The following PFKFB2 variants were observed in gnomAD, a reference collection of about 807,000 sequenced individuals.
PFKFB2 encodes the protein 6-phosphofructo-2-kinase/fructose-2,6-bisphosphatase 2.
A neutral mutation model predicts 68.0 loss-of-function variants in PFKFB2; 53 were observed. The observed-to-expected ratio is 0.78, with a 90% confidence interval of 0.63 to 0.98. PFKFB2 has a LOEUF of 0.98. Ranked by LOEUF, PFKFB2 falls within the 50% of genes least tolerant of loss-of-function variation. The probability of loss-of-function intolerance (pLI) is 0.00; values close to 1 mark genes in which losing one functional copy is unlikely to be tolerated. For synonymous variants in PFKFB2, 222 were observed against 227.6 expected (o/e 0.98, Z 0.22); for missense variants, 451 against 642.0 (o/e 0.70, Z 3.22).
At position 207,076,399 on chromosome 1, in the gene PFKFB2, G is replaced by GC; in HGVS notation, c.*4030dup. 1 of 985,158 alleles carries GC rather than the reference G, an allele frequency of 1.0e-6. No homozygotes were observed. The highest frequency in any genetic ancestry group is 1.2e-6 in the Non-Finnish European group (1 of 829,822). 61.0% of individuals were successfully genotyped at this position (985,158 alleles called of 1,614,324 possible). ...ATCTTATGCACATTCCATTGTCTTT[G>GC]CCAAGCCCAGAAGCCATGTTGTGTT... On this transcript the variant is annotated 3_prime_UTR_variant, in exon 15 of 15. Transcript: ENST00000367080.
chr1:207,071,645 G>A, intron 14 of PFKFB2, 72 bp downstream of exon 14: 3 of 1,091,510 alleles, frequency 2.7e-6, no homozygotes, highest in Non-Finnish European at 4.2e-6. Context: ...GACATCAAGA[G>A]ACTGGGGTTT....
chr1:207,061,167 A>T (rs1406217425), intron 2 of PFKFB2, among the ~76,000 whole-genome samples: 3 of 45,296 alleles, frequency 6.6e-5, no homozygotes, highest in African/African-American at 1.4e-4. Context: ...ATATATCTTT[A>T]TATATATATA....
At chr1:207,047,332 T>C (rs1021270215) in intron 2 of PFKFB2, 2 of 152,584 alleles carry the variant, frequency 1.3e-5, no homozygotes, top group African/African-American at 4.8e-5. Context: ...CAAACAAACT[T>C]TGTGAATTGT....
downstream of PFKFB2, chr1:207,080,679 T>C (rs994608136): frequency 1.3e-5 from 2 of 151,330 alleles, no homozygotes; most frequent in East Asian, 3.9e-4. Flanking sequence ...TTAATCAGAA[T>C]GTAATATAAT....
At chr1:207,044,825 TCA>T (rs763240422) in intron 2 of PFKFB2, 2 of 152,510 alleles carry the variant, frequency 1.3e-5, no homozygotes, top group Non-Finnish European at 1.5e-5. Flanking sequence ...TTTTCTCCCT[TCA>T]CTCTACCATG....
At chr1:207,050,837 C>T (rs1419786445), upstream of PFKFB2, 7 of 1,613,018 alleles carry the variant, frequency 4.3e-6, no homozygotes, top group Non-Finnish European at 5.9e-6. Flanking sequence ...CCGGGTCCGG[C>T]TGGACAGCCC....
chr1:207,077,566 G>T lies in PFKFB2; in HGVS notation c.*5195G>T. On this transcript the variant is annotated 3_prime_UTR_variant, in exon 15 of 15. Transcript: ENST00000367080. ...GGGAAGGGGGATGGTGTGGGGCTGA[G>T]CACCTCTGGGTTGAATGGGAATGGG... 1 of 985,820 alleles carries T rather than the reference G, an allele frequency of 1.0e-6. No homozygotes were observed. The highest frequency in any genetic ancestry group is 1.2e-6 in the Non-Finnish European group (1 of 829,938). 61.1% of individuals were successfully genotyped at this position (985,820 alleles called of 1,614,324 possible). A position where few individuals can be genotyped will look rare whatever the true frequency, so the allele number is the denominator to read the frequency against.
intron 1 of PFKFB2, among the ~76,000 whole-genome samples, chr1:207,041,803 G>A (rs554129222): frequency 5.7e-4 from 87 of 152,210 alleles, no homozygotes; most frequent in Admixed American, 2.0e-3. Context: ...TTGAGGAATC[G>A]CCACACTGTT....
intron 2 of PFKFB2, among the ~76,000 whole-genome samples, chr1:207,061,294 G>A (rs1683110649): frequency 1.4e-5 from 2 of 146,836 alleles, no homozygotes; most frequent in South Asian, 2.1e-4. Flanking sequence ...CAAATTGATG[G>A]GATTACAGGC....
chr1:207,063,541 C>A lies in PFKFB2; in HGVS notation c.450+120C>A. On this transcript the variant is annotated intron_variant, in intron 6 of 14. Coordinates refer to ENST00000367080, the MANE Select transcript of PFKFB2 (RefSeq NM_006212.2). This position sits in a 1 kb window ranked among gnomAD's most constrained non-coding sequence, Gnocchi z 4.1. ...GATGGGATATCTGAATCTCTTCTCT[C>A]AGAGCATTCCCCCAGTCCTTGAGTG... 1 of 773,522 alleles carries A rather than the reference C, an allele frequency of 1.3e-6. No individual in the cohort carries two copies. Among genetic ancestry groups the A allele is most frequent in the Non-Finnish European group, 2.3e-6 (1 of 440,524 alleles). 47.9% of individuals were successfully genotyped at this position (773,522 alleles called of 1,614,324 possible).
At chr1:207,071,477 C>G in intron 13 of PFKFB2, 32 bp from the exon 14 acceptor site, 1 of 1,584,592 alleles carries the variant, frequency 6.3e-7, no homozygotes, top group African/African-American at 1.3e-5. Flanking sequence ...GAACCTTTTT[C>G]TTTAAGTCCT....
chr1:207,063,266 AC>A lies in PFKFB2; in HGVS notation c.375+60del. On this transcript the variant is annotated intron_variant, in intron 5 of 14. Coordinates refer to ENST00000367080, the MANE Select transcript of PFKFB2 (RefSeq NM_006212.2). This position sits in a 1 kb window ranked among gnomAD's most constrained non-coding sequence, Gnocchi z 4.1. ...TCCCCACCCTTGCAGCAGCCTGGCTACCCAGCCCCACCTTGAGTCTGCCCTG... is the reference window on the plus strand; with the variant it reads ...TCCCCACCCTTGCAGCAGCCTGGCTACCAGCCCCACCTTGAGTCTGCCCTG... 7 of 1,580,418 alleles carry A rather than the reference AC, an allele frequency of 4.4e-6. No individual in the cohort carries two copies. The highest frequency in any genetic ancestry group is 6.1e-6 in the Non-Finnish European group (7 of 1,149,416).
At chr1:207,044,158 G>A (rs1269237519) in intron 2 of PFKFB2, 2 of 152,248 alleles carry the variant, frequency 1.3e-5, no homozygotes, top group East Asian at 1.9e-4. Context: ...CTAATTTGAC[G>A]GTCTTTACTT....
intron 2 of PFKFB2, among the ~76,000 whole-genome samples, chr1:207,055,432 C>T (rs1682888825): frequency 6.6e-6 from 1 of 152,126 alleles, no homozygotes; most frequent in African/African-American, 2.4e-5. Flanking sequence ...ATAGAAACAG[C>T]AGGAGGGTTT....
Position 207,072,458 on chromosome 1 carries a change from A to T in PFKFB2, c.*87A>T. On this transcript the variant is annotated 3_prime_UTR_variant, in exon 15 of 15. Transcript: ENST00000367080. The stretch of plus-strand genomic sequence containing the variant: ...CTGCCCTTGTCACTAATCACCAAGG[A>T]GTCATTAACTTCCTCCCTCTATGCC... 1 of 1,525,888 alleles carries T rather than the reference A, an allele frequency of 6.6e-7. No homozygotes were observed. The highest frequency in any genetic ancestry group is 8.8e-7 in the Non-Finnish European group (1 of 1,139,776). 94.5% of individuals were successfully genotyped at this position (1,525,888 alleles called of 1,614,324 possible).
In PFKFB2 at chr1:207,072,280, T is replaced by C; in HGVS notation, c.1427T>C (p.Ile476Thr). 1 of 1,614,184 alleles carries C rather than the reference T, an allele frequency of 6.2e-7. No homozygotes were observed. The highest frequency in any genetic ancestry group is 8.5e-7 in the Non-Finnish European group (1 of 1,180,022). ...ACGCCTCTGTCCAGTTCGAATACAA[T>C]AAGGCGTCCAAGAAATTACAGTGTT... Reference protein sequence around the residue: ...SFTPLSSSNTIRRPRNYSVGS... With the variant: ...SFTPLSSSNTTRRPRNYSVGS... Residue 476 changes from isoleucine (I) to threonine (T), a missense_variant, in exon 15 of 15, where the codon ATA becomes ACA. Transcript: ENST00000367080.
chr1:207,071,670 A>C, intron 14 of PFKFB2, 97 bp downstream of exon 14: 1 of 837,550 alleles, frequency 1.2e-6, no homozygotes. Context: ...TATGTACAAA[A>C]GGGAAACAGA....
At chr1:207,047,098 C>T (rs570789120) in intron 2 of PFKFB2, 3 of 152,540 alleles carry the variant, frequency 2.0e-5, no homozygotes, top group Admixed American at 2.0e-4. Flanking sequence ...AAACCAAAAC[C>T]ATCCAGATCA....
chr1:207,070,505 C>T lies in PFKFB2; in HGVS notation c.1222+96C>T, dbSNP rs1213511518. The T allele has an allele frequency of 2.6e-5, 36 of 1,393,634 alleles. No individual in the cohort carries two copies. In the Admixed American group the frequency reaches 4.7e-4, roughly 18 times the overall value. 86.3% of individuals were successfully genotyped at this position (1,393,634 alleles called of 1,614,324 possible). On this transcript the variant is annotated intron_variant, in intron 12 of 14. Transcript: ENST00000367080. This position sits in a 1 kb window ranked among gnomAD's most constrained non-coding sequence, Gnocchi z 4.2. ...CCTGGGAAACAGACCTCCCTGTCTC[C>T]ACTCAAATTAGAGTACTTTCTCCAG...
Sources: allele counts gnomAD v4.1 joint callset (sites outside exome capture counted in the v4.1 genomes callset), GRCh38; gene constraint gnomAD v4.1.1; non-coding constraint Gnocchi (gnomAD v3.1); transcripts MANE v1.5; gene names NCBI Gene and HGNC (gene_info 2026-07-23, HGNC 2026-07-21).